ANK3: variants seen among roughly 807,000 people sequenced by gnomAD.
ANK3 encodes the protein ankyrin 3.
Under a neutral mutation model 370.9 loss-of-function variants are expected in ANK3, and 57 were observed. The observed-to-expected ratio is 0.15, with a 90% CI of 0.12 to 0.19. The LOEUF is 0.19. ANK3 is among the 10% of genes least tolerant of loss of function. ANK3 has a pLI of 1.00. For synonymous variants in ANK3, 1,929 were observed against 1,946.3 expected, an observed-to-expected ratio of 0.99 and a Z score of 0.23; for missense variants, 4,439 against 5,302.1, an observed-to-expected ratio of 0.84 and a Z score of 5.06.
At position 60,606,378 on chromosome 10, in the gene ANK3, C is replaced by T. The variant is rs150321710; in HGVS notation, c.96+8808G>A. On this transcript the variant is annotated intron_variant, in intron 2 of 43. Transcript: ENST00000373827. ...ATTTTTTTTTTAAAGTACACAGGAT[C>T]CTTTCTAAAACATACATTTCTGTAG... 2.2e-4 allele frequency among the ~76,000 whole-genome samples: 33 copies of T among 151,870 alleles called. 1 individual carries two copies. The South Asian group carries it at 4.2e-3, about 19-fold the overall frequency.
chr10:60,433,234 G>A (rs1252522751), intron 2 of ANK3, among the ~76,000 whole-genome samples: 3 of 152,120 alleles, frequency 2.0e-5, no homozygotes, highest in Non-Finnish European at 4.4e-5. Flanking sequence ...AAGGTGGGTG[G>A]ATTGCTTGAG....
chr10:60,444,572 T>C (rs899369470), intron 2 of ANK3, among the ~76,000 whole-genome samples: 1 of 152,074 alleles, frequency 6.6e-6, no homozygotes, highest in Non-Finnish European at 1.5e-5. Context: ...TAATTTCTTT[T>C]AATTCCAGCC....
At chr10:60,296,459 A>G (rs1204868729) in intron 1 of ANK3, among the ~76,000 whole-genome samples, 10 of 152,212 alleles carry the variant, frequency 6.6e-5, no homozygotes, top group Admixed American at 4.6e-4. Flanking sequence ...TCTGGTCACT[A>G]AAATGGAAAG....
chr10:60,288,738 A>C (rs944161334), intron 1 of ANK3, among the ~76,000 whole-genome samples: 5 of 152,112 alleles, frequency 3.3e-5, no homozygotes, highest in Admixed American at 6.5e-5. Context: ...GGAGGAAATA[A>C]AGAGTTTTGA....
Position 60,073,089 on chromosome 10 carries a change from T to C in ANK3, c.7792A>G (p.Lys2598Glu), listed in dbSNP as rs1341555404. ...AGTTCATCATTTAGCTTTTCAGTTTTGTCACGAAAAAACTGTGACACTTCA... is the reference window on the plus strand; with the variant it reads ...AGTTCATCATTTAGCTTTTCAGTTTCGTCACGAAAAAACTGTGACACTTCA... Reference protein sequence around the residue: ...LTEVSQFFRDKTEKLNDELQS... With the variant: ...LTEVSQFFRDETEKLNDELQS... Residue 2598 changes from lysine (K) to glutamate (E), a missense_variant, in exon 37 of 44, where the codon AAA becomes GAA. This residue lies in a region of ANK3 where 1,601 missense variants were observed against 1,731.7 expected (regional missense o/e 0.92). Coordinates refer to ENST00000280772, the MANE Select transcript of ANK3 (RefSeq NM_020987.5). 2 of 1,614,156 alleles carry C rather than the reference T, an allele frequency of 1.2e-6. 1 individual carries two copies.
chr10:60,667,999 G>C (rs1365239758), intron 1 of ANK3, among the ~76,000 whole-genome samples: 2 of 150,968 alleles, frequency 1.3e-5, no homozygotes, highest in East Asian at 3.9e-4. Flanking sequence ...CTAGATTAGG[G>C]TTTTAAAAAA....
At chr10:60,282,777 T>C (rs189369274) in intron 1 of ANK3, among the ~76,000 whole-genome samples, 1 of 152,268 alleles carries the variant, frequency 6.6e-6, no homozygotes. Flanking sequence ...CTTGGCCCTG[T>C]TACGTATCAA....
At position 60,580,945 on chromosome 10, in the gene ANK3, AC is replaced by A. The variant is rs143982844; in HGVS notation, c.96+34240del. On this transcript the variant is annotated intron_variant, in intron 2 of 43. Transcript: ENST00000373827. ...GAGGGTCACATCTAGGTCCAGGCAA[AC>A]TTTTATCGTCTTTGAAAATGCTATC... Among the ~76,000 whole-genome samples the A allele has an allele frequency of 2.2e-3, 337 of 152,308 alleles. 3 individuals carry two copies. Among genetic ancestry groups the A allele is most frequent in the African/African-American group, 7.6e-3 (316 of 41,560 alleles).
intron 6 of ANK3, among the ~76,000 whole-genome samples, chr10:60,262,962 T>C (rs1043967099): frequency 3.9e-5 from 6 of 152,174 alleles, no homozygotes; most frequent in Non-Finnish European, 8.8e-5. Context: ...CTATCTTATC[T>C]GGCACATGCT....
rs556105200 is a variant in ANK3, at chr10:60,427,373, G to T, written c.97-147734C>A. Reference sequence around the variant, plus strand: ...GTGGGCATCTGATGTGAAAGCCCAGGGATGTTCACAGTCAAAATAGAGTAA... The same window carrying T: ...GTGGGCATCTGATGTGAAAGCCCAGTGATGTTCACAGTCAAAATAGAGTAA... On this transcript the variant is annotated intron_variant, in intron 2 of 43. Transcript: ENST00000373827. Among the ~76,000 whole-genome samples, 4 of 152,124 alleles carry T rather than the reference G, an allele frequency of 2.6e-5. No individual in the cohort carries two copies. In the East Asian group the frequency reaches 5.8e-4, roughly 22 times the overall value.
chr10:60,423,079 T>C (rs2063810671), intron 2 of ANK3, among the ~76,000 whole-genome samples: 7 of 152,024 alleles, frequency 4.6e-5, no homozygotes, highest in Admixed American at 4.6e-4. Flanking sequence ...TCAGTCACCA[T>C]GACAATCAAA....
chr10:60,080,485 G>T, intron 36 of ANK3, 52 bp downstream of exon 36: 1 of 1,510,234 alleles, frequency 6.6e-7, no homozygotes. Context: ...TAGAAAAAAT[G>T]TCTCTTCTTA....
At chr10:60,096,280 A>C (rs1212004922) in intron 28 of ANK3, among the ~76,000 whole-genome samples, 1 of 152,196 alleles carries the variant, frequency 6.6e-6, no homozygotes, top group Admixed American at 6.5e-5. Context: ...AACAGTGCCA[A>C]TATTCTTTCT....
intron 2 of ANK3, among the ~76,000 whole-genome samples, chr10:60,539,367 C>T (rs758855250): frequency 2.6e-5 from 4 of 151,826 alleles, no homozygotes; most frequent in Non-Finnish European, 4.4e-5. Context: ...ACTAAAAGTT[C>T]CTTGTCAACT....
In ANK3 at chr10:60,389,444, G is replaced by A; in HGVS notation, c.95C>T (p.Ser32Phe). The change falls in exon 1 of 44, where the codon TCC (serine) becomes TTC (phenylalanine). Residue 32 changes from serine (S) to phenylalanine (F), a missense_variant. Coordinates refer to ENST00000280772, the MANE Select transcript of ANK3 (RefSeq NM_020987.5). Reference sequence around the variant, plus strand: ...AGATACCTTTTTCTTCCGATCCCGGGACCGTTTGCGGTGTTTCCTTTTTTT... The same window carrying A: ...AGATACCTTTTTCTTCCGATCCCGGAACCGTTTGCGGTGTTTCCTTTTTTT... ...PEKKRKHRKR[S>F]RDRKKKSDAN... The A allele has an allele frequency of 6.2e-7, 1 of 1,613,918 alleles. No individual in the cohort carries two copies. Among genetic ancestry groups the A allele is most frequent in the Non-Finnish European group, 8.5e-7 (1 of 1,179,944 alleles).
Position 60,493,913 on chromosome 10 carries a change from A to G in ANK3, c.96+121273T>C, listed in dbSNP as rs141247182. ...AAGAGGATAGTGGACACTGTGATTGACTGCCCAACTTCCCTTCCACCTTAC... is the reference window on the plus strand; with the variant it reads ...AAGAGGATAGTGGACACTGTGATTGGCTGCCCAACTTCCCTTCCACCTTAC... On this transcript the variant is annotated intron_variant, in intron 2 of 43. Transcript: ENST00000373827. Among the ~76,000 whole-genome samples, 79 of 152,258 alleles carry G rather than the reference A, an allele frequency of 5.2e-4. No homozygotes were observed. The East Asian group carries it at 0.015, about 29-fold the overall frequency.
intron 1 of ANK3, among the ~76,000 whole-genome samples, chr10:60,322,534 C>T (rs992196288): frequency 1.1e-4 from 16 of 151,864 alleles, no homozygotes; most frequent in Non-Finnish European, 1.8e-4. Context: ...AAAGCACATT[C>T]ATCCTCCCCA....
intron 7 of ANK3, among the ~76,000 whole-genome samples, chr10:60,240,155 C>CACACATATATATACAT (rs1565915824): frequency 1.7e-5 from 2 of 116,632 alleles, no homozygotes; most frequent in African/African-American, 3.3e-5. Context: ...CATATATATA[C>CACACATATATATACAT]ATATATACAC....
At chr10:60,615,209 C>T (rs2078251756) in exon 2 of ANK3, 2 of 1,519,158 alleles carry the variant, frequency 1.3e-6, no homozygotes, top group Non-Finnish European at 1.8e-6. Flanking sequence ...CGTGAATAAT[C>T]TGATCCAAAG....
Sources: allele counts gnomAD v4.1 joint callset (sites outside exome capture counted in the v4.1 genomes callset), GRCh38; gene constraint gnomAD v4.1.1; regional missense constraint gnomAD v4.1.1; transcripts MANE v1.5; gene names NCBI Gene and HGNC (gene_info 2026-07-23, HGNC 2026-07-21).